IL1RAPL2: variants seen among roughly 807,000 people sequenced by gnomAD.
IL1RAPL2 encodes the protein interleukin 1 receptor accessory protein like 2.
In IL1RAPL2, 3 loss-of-function variants were observed where a neutral mutation model predicts 44.1. That is an observed-to-expected ratio of 0.07 (90% CI 0.03 to 0.18). IL1RAPL2 has a LOEUF of 0.18. IL1RAPL2 is among the 10% of genes least tolerant of loss of function. The pLI, the probability that IL1RAPL2 is intolerant of heterozygous loss-of-function variation, is 1.00. For missense variants in IL1RAPL2, 391 were observed against 496.4 expected, an observed-to-expected ratio of 0.79 and a Z score of 2.02; for synonymous variants, 181 against 178.8, an observed-to-expected ratio of 1.01 and a Z score of -0.10.
intron 5 of IL1RAPL2, among the ~76,000 whole-genome samples, chrX:105,448,525 C>T (rs1273104602): frequency 3.6e-5 from 4 of 110,147 alleles, no homozygotes; most frequent in African/African-American, 1.3e-4. Context: ...CCACCATGCC[C>T]GGCTAATTTT....
At chrX:105,003,336 T>C (rs765827027) in intron 2 of IL1RAPL2, among the ~76,000 whole-genome samples, 8 of 111,401 alleles carry the variant, frequency 7.2e-5, no homozygotes, top group African/African-American at 2.6e-4. Context: ...AGTACTTAAT[T>C]ATCACCCAAA....
intron 2 of IL1RAPL2, among the ~76,000 whole-genome samples, chrX:104,722,931 A>G (rs1357823353): frequency 3.6e-5 from 4 of 111,545 alleles, no homozygotes; most frequent in African/African-American, 1.3e-4. Context: ...TTTTGATTAC[A>G]AAAATATAAT....
At chrX:105,459,215 C>T (rs1174248237) in intron 5 of IL1RAPL2, among the ~76,000 whole-genome samples, 2 of 110,913 alleles carry the variant, frequency 1.8e-5, no homozygotes, top group Non-Finnish European at 3.8e-5. Context: ...TGATCTTAAA[C>T]ACTTTAGTTC....
intron 6 of IL1RAPL2, among the ~76,000 whole-genome samples, chrX:105,715,943 A>C (rs2038253398): frequency 9.0e-6 from 1 of 111,521 alleles, no homozygotes; most frequent in Admixed American, 9.6e-5. Flanking sequence ...CCCCAAGCAA[A>C]GAAATTGACA....
chrX:105,752,947 AT>A (rs1168952348), intron 9 of IL1RAPL2: 1 of 328,789 alleles, frequency 3.0e-6, no homozygotes, highest in Admixed American at 3.1e-5. Context: ...AGAAGCATTC[AT>A]TTTTTCAACG....
intron 6 of IL1RAPL2, among the ~76,000 whole-genome samples, chrX:105,650,594 T>C (rs1454374888): frequency 4.4e-5 from 5 of 112,543 alleles, no homozygotes; most frequent in African/African-American, 1.6e-4. Flanking sequence ...CATGGCATTT[T>C]ACCTTGAATT....
intron 2 of IL1RAPL2, among the ~76,000 whole-genome samples, chrX:104,912,736 T>G (rs1230196726): frequency 1.8e-5 from 2 of 111,652 alleles, no homozygotes; most frequent in African/African-American, 6.5e-5. Flanking sequence ...TGGTTCAGAT[T>G]AAAGCCCCTT....
chrX:105,116,181 T>C (rs1333756754), intron 2 of IL1RAPL2, among the ~76,000 whole-genome samples: 1 of 112,521 alleles, frequency 8.9e-6, no homozygotes, highest in African/African-American at 3.2e-5. Context: ...GCTGAAGGGC[T>C]CCTCAAGCGC....
At position 105,406,459 on chromosome X, in the gene IL1RAPL2, G is replaced by A. The variant is rs1227102728; in HGVS notation, c.698-77854G>A. On this transcript the variant is annotated intron_variant, in intron 5 of 10. Coordinates refer to ENST00000372582, the MANE Select transcript of IL1RAPL2 (RefSeq NM_017416.2). ...TGGCAATAAAGAATTCTCAACCACC[G>A]GAGGATCATTCACCAATATCCCGAA... is the stretch of plus-strand genomic sequence containing the variant. 8.4e-6 allele frequency: 10 copies of A among 1,191,865 alleles called. No homozygotes were observed. In the Admixed American group the frequency reaches 1.3e-4, roughly 16 times the overall value.
At chrX:105,150,711 G>T (rs1000418256) in intron 2 of IL1RAPL2, among the ~76,000 whole-genome samples, 2 of 111,673 alleles carry the variant, frequency 1.8e-5, no homozygotes, top group African/African-American at 3.3e-5. Flanking sequence ...CACGCAATCT[G>T]TCACGGATCT....
At chrX:105,478,297 C>A (rs1478048140) in intron 5 of IL1RAPL2, among the ~76,000 whole-genome samples, 1 of 111,129 alleles carries the variant, frequency 9.0e-6, no homozygotes, top group Non-Finnish European at 1.9e-5. Context: ...GCCAGGGAAG[C>A]TGCTAAACAT....
At chrX:104,704,844 T>C (rs920983258) in intron 2 of IL1RAPL2, among the ~76,000 whole-genome samples, 9 of 111,913 alleles carry the variant, frequency 8.0e-5, no homozygotes, top group Non-Finnish European at 1.3e-4. Context: ...CATAGCAAAT[T>C]ATTCATCTAA....
intron 2 of IL1RAPL2, among the ~76,000 whole-genome samples, chrX:104,703,554 A>G (rs2147553503): frequency 8.9e-6 from 1 of 112,359 alleles, no homozygotes; most frequent in African/African-American, 3.2e-5. Context: ...AGCACCTAGT[A>G]AAAAGCCTGT....
chrX:104,951,066 G>A (rs1344926307), intron 2 of IL1RAPL2, among the ~76,000 whole-genome samples: 1 of 111,781 alleles, frequency 8.9e-6, no homozygotes, highest in Non-Finnish European at 1.9e-5. Context: ...CCACTGACCT[G>A]CGCCCACTGT....
At chrX:104,861,649 A>G (rs1922497836) in intron 2 of IL1RAPL2, among the ~76,000 whole-genome samples, 1 of 110,562 alleles carries the variant, frequency 9.0e-6, no homozygotes. Context: ...TTGATTTGGT[A>G]CCCTCGAGAG....
intron 2 of IL1RAPL2, among the ~76,000 whole-genome samples, chrX:104,730,063 C>T (rs1931872807): frequency 9.1e-6 from 1 of 110,332 alleles, no homozygotes. Context: ...CATGGAAGGT[C>T]ACTACTTAAT....
chrX:105,181,899 C>A (rs1342471113), intron 2 of IL1RAPL2, among the ~76,000 whole-genome samples: 3 of 108,482 alleles, frequency 2.8e-5, no homozygotes. Context: ...CCCGTCTCTA[C>A]TAAAAATAGA....
chrX:104,671,176 G>GTA (rs889439284), intron 2 of IL1RAPL2, among the ~76,000 whole-genome samples: 1 of 110,210 alleles, frequency 9.1e-6, no homozygotes, highest in African/African-American at 3.3e-5. Context: ...ATATGCATGT[G>GTA]TATACACACA....
chrX:105,219,796 G>A (rs1556177721), intron 3 of IL1RAPL2: 2 of 1,154,480 alleles, frequency 1.7e-6, no homozygotes, highest in African/African-American at 3.6e-5. Context: ...GTGTTCTGGG[G>A]GCAAGGCGGG....
Sources: gnomAD v4.1 joint callset for allele counts (sites outside exome capture counted in the v4.1 genomes callset) on GRCh38, gnomAD v4.1.1 for gene constraint, MANE v1.5 for transcripts, NCBI Gene and HGNC (gene_info 2026-07-23, HGNC 2026-07-21) for gene names.